Variants in TECPR1 observed in about 807,000 individuals in gnomAD.
TECPR1 encodes tectonin beta-propeller repeat-containing protein 1.
In TECPR1, 122 loss-of-function variants were observed where a neutral mutation model predicts 162.4. The ratio of observed to expected loss-of-function variants is 0.75; its 90% CI spans 0.65 to 0.87. TECPR1 has a LOEUF of 0.87. TECPR1 is among the 40% of genes least tolerant of loss of function. The pLI, the probability that TECPR1 is intolerant of heterozygous loss-of-function variation, is 0.00. For synonymous variants in TECPR1, 642 were observed against 670.6 expected (o/e 0.96, Z 0.66); for missense variants, 1,432 against 1,618.2 (o/e 0.88, Z 1.97).
intron 17 of TECPR1, among the ~76,000 whole-genome samples, chr7:98,226,097 C>T (rs1398567748): frequency 6.6e-6 from 1 of 152,172 alleles, no homozygotes; most frequent in East Asian, 1.9e-4. Flanking sequence ...CCCTTTCAGG[C>T]CTCTCTGAGA....
chr7:98,226,620 G>T, intron 17 of TECPR1: 1 of 1,047,924 alleles, frequency 9.5e-7, no homozygotes, highest in Non-Finnish European at 1.2e-6. Context: ...TGTTTATTTC[G>T]TCAATTTGGA....
At chr7:98,239,945 C>T (rs1216390300) in intron 8 of TECPR1, among the ~76,000 whole-genome samples, 3 of 151,998 alleles carry the variant, frequency 2.0e-5, no homozygotes, top group Non-Finnish European at 2.9e-5. Flanking sequence ...CCCATCTCTA[C>T]TAAAAATACA....
chr7:98,225,791 C>G (rs1322674916), intron 17 of TECPR1, among the ~76,000 whole-genome samples: 2 of 152,120 alleles, frequency 1.3e-5, no homozygotes, highest in Admixed American at 6.5e-5. Flanking sequence ...GTAGCTGGGA[C>G]CACAGACACA....
chr7:98,247,511 C>T (rs970213626), intron 2 of TECPR1, among the ~76,000 whole-genome samples: 1 of 152,068 alleles, frequency 6.6e-6, no homozygotes, highest in Non-Finnish European at 1.5e-5. Flanking sequence ...ATAACTACCC[C>T]ACTACTTCCC....
In TECPR1 at chr7:98,245,957, G is replaced by C. The variant is rs556814749; in HGVS notation, c.190C>G (p.Pro64Ala). ...VYVYVCASDVPIRRREEAYEN... is the reference protein window; with the variant it reads ...VYVYVCASDVAIRRREEAYEN... ...TAGGCCTCCTCTCGGCGGCGGATGG[G>C]GACATCGCTGGCACACACATACACG... The change falls in exon 3 of 26, where the codon CCC (proline) becomes GCC (alanine). Residue 64 changes from proline (P) to alanine (A), a missense_variant. Pro to Ala is a conservative substitution (Grantham distance 27, BLOSUM62 -1). Transcript: ENST00000447648. The C allele has an allele frequency of 6.2e-7, 1 of 1,605,844 alleles. No homozygotes were observed. Among genetic ancestry groups the C allele is most frequent in the East Asian group, 2.2e-5 (1 of 44,546 alleles).
chr7:98,221,850 G>A, intron 22 of TECPR1, 97 bp from the exon 23 acceptor site: 1 of 895,158 alleles, frequency 1.1e-6, no homozygotes, highest in Admixed American at 2.3e-5. Context: ...TCTCGGATGT[G>A]TAGCCTGGTG....
At chr7:98,221,857 G>A (rs777660776) in intron 22 of TECPR1, 104 bp from the exon 23 acceptor site, 1 of 845,946 alleles carries the variant, frequency 1.2e-6, no homozygotes, top group East Asian at 2.6e-5. Flanking sequence ...TGTGTAGCCT[G>A]GTGTCAGCTG....
In TECPR1 at chr7:98,232,865, G is replaced by T. The variant is rs372092508; in HGVS notation, c.1780C>A (p.Leu594Met). ...QQLTERTKRE[L>M]ENFRHYEQAV... Reference sequence around the variant, plus strand: ...TGCTCGTAGTGTCTGAAGTTCTCCAGCTCCCGCTTGGTCCTTTCCGTGAGC... The same window carrying T: ...TGCTCGTAGTGTCTGAAGTTCTCCATCTCCCGCTTGGTCCTTTCCGTGAGC... The change falls in exon 12 of 26, where the codon CTG (leucine) becomes ATG (methionine). Residue 594 changes from leucine to methionine, a missense_variant. Transcript: ENST00000447648. The surrounding 1 kb of genome is among the most constrained non-coding windows in gnomAD (Gnocchi z 4.6). 2.5e-6 allele frequency: 4 copies of T among 1,612,138 alleles called. No individual in the cohort carries two copies. The Admixed American group carries it at 6.7e-5, about 27-fold the overall frequency.
At chr7:98,219,523 C>CA (rs1223813664) in intron 23 of TECPR1, among the ~76,000 whole-genome samples, 1 of 152,188 alleles carries the variant, frequency 6.6e-6, no homozygotes, top group Non-Finnish European at 1.5e-5. Flanking sequence ...TAGAAGGACT[C>CA]AAACAAATCA....
chr7:98,239,955 A>G (rs749930097), intron 8 of TECPR1, among the ~76,000 whole-genome samples: 100 of 152,068 alleles, frequency 6.6e-4, no homozygotes, highest in Non-Finnish European at 1.6e-4. Flanking sequence ...CTAAAAATAC[A>G]AAAAATTAGC....
At chr7:98,239,717 G>T (rs964235225) in intron 8 of TECPR1, among the ~76,000 whole-genome samples, 34 of 152,088 alleles carry the variant, frequency 2.2e-4, no homozygotes, top group Non-Finnish European at 4.3e-4. Flanking sequence ...GCTGGGAGTG[G>T]CCTCAGACTC....
intron 23 of TECPR1, among the ~76,000 whole-genome samples, chr7:98,219,543 C>A (rs1301032860): frequency 6.6e-6 from 1 of 152,080 alleles, no homozygotes; most frequent in Non-Finnish European, 1.5e-5. Context: ...AGCACACACA[C>A]AAAAAACAAA....
intron 22 of TECPR1, among the ~76,000 whole-genome samples, chr7:98,222,167 C>T (rs969237525): frequency 6.6e-5 from 10 of 152,164 alleles, no homozygotes; most frequent in Non-Finnish European, 1.3e-4. Flanking sequence ...CCTGCAGGGC[C>T]GAGACACAGG....
intron 2 of TECPR1, chr7:98,251,032 G>A (rs1478866901): frequency 1.3e-5 from 2 of 152,148 alleles, no homozygotes; most frequent in Non-Finnish European, 2.9e-5. Flanking sequence ...CTGGCTGTGA[G>A]CTGATCAGGC....
At chr7:98,230,566 C>T (rs1420045297) in intron 15 of TECPR1, among the ~76,000 whole-genome samples, 2 of 152,158 alleles carry the variant, frequency 1.3e-5, no homozygotes, top group Non-Finnish European at 2.9e-5. Flanking sequence ...CCCGGGCCGC[C>T]CATGCAGCAG....
intron 2 of TECPR1, among the ~76,000 whole-genome samples, chr7:98,249,328 G>A (rs1224017682): frequency 1.3e-5 from 2 of 152,098 alleles, no homozygotes; most frequent in Non-Finnish European, 2.9e-5. Flanking sequence ...AGAATAGGAG[G>A]GAGACTGCCC....
At chr7:98,244,533 C>T (rs1232394900) in intron 5 of TECPR1, 38 bp downstream of exon 5, 1 of 1,580,310 alleles carries the variant, frequency 6.3e-7, no homozygotes, top group Non-Finnish European at 8.6e-7. Context: ...TCTGTCCTGG[C>T]CCTATCCTGC....
chr7:98,247,604 C>T (rs1046121036), intron 2 of TECPR1, among the ~76,000 whole-genome samples: 1 of 152,170 alleles, frequency 6.6e-6, no homozygotes, highest in Non-Finnish European at 1.5e-5. Flanking sequence ...TGAGAGCCAA[C>T]GTGACCATGT....
At chr7:98,248,057 C>T (rs1363727586) in intron 2 of TECPR1, among the ~76,000 whole-genome samples, 1 of 152,208 alleles carries the variant, frequency 6.6e-6, no homozygotes, top group Admixed American at 6.5e-5. Flanking sequence ...GCTTTGTAGG[C>T]ATAGCCAAGG....
Sources: allele counts gnomAD v4.1 joint callset (sites outside exome capture counted in the v4.1 genomes callset), GRCh38; gene constraint gnomAD v4.1.1; non-coding constraint Gnocchi (gnomAD v3.1); transcripts MANE v1.5; gene names NCBI Gene and HGNC (gene_info 2026-07-23, HGNC 2026-07-21).